RBMS3: variants seen among roughly 807,000 people sequenced by gnomAD.
The protein encoded by RBMS3 is RNA binding motif single stranded interacting protein 3, also known as RNA-binding motif, single-stranded-interacting protein 3.
A neutral mutation model predicts 66.8 loss-of-function variants in RBMS3; 27 were observed. The observed-to-expected ratio is 0.40, with a 90% CI of 0.30 to 0.56. The LOEUF (loss-of-function observed/expected upper bound fraction) is 0.56, where lower values mean the gene tolerates loss of function less well. Among genes scored for constraint, RBMS3 ranks in the 20% least tolerant of loss-of-function variants. The pLI, the probability that RBMS3 is intolerant of heterozygous loss-of-function variation, is 0.40. For missense variants in RBMS3, 513 were observed against 549.5 expected (o/e 0.93, Z 0.66); for synonymous variants, 188 against 183.0 (o/e 1.03, Z -0.22).
chr3:29,574,075 A>G (rs540073697), intron 3 of RBMS3, among the ~76,000 whole-genome samples: 3 of 152,300 alleles, frequency 2.0e-5, no homozygotes, highest in African/African-American at 7.2e-5. Context: ...TATTAGGTCC[A>G]TATTTTCTAT....
At chr3:29,659,438 G>T (rs2050450118) in intron 4 of RBMS3, among the ~76,000 whole-genome samples, 1 of 152,002 alleles carries the variant, frequency 6.6e-6, no homozygotes, top group Non-Finnish European at 1.5e-5. Flanking sequence ...CTGTCTCTGT[G>T]ATTTTGACTA....
At chr3:29,377,088 T>A (rs2038513605) in intron 1 of RBMS3, among the ~76,000 whole-genome samples, 1 of 148,288 alleles carries the variant, frequency 6.7e-6, no homozygotes, top group African/African-American at 2.5e-5. Context: ...AAACTCTGTC[T>A]CAGAAAAAAA....
chr3:29,503,046 A>G (rs981161634), intron 3 of RBMS3, among the ~76,000 whole-genome samples: 11 of 152,102 alleles, frequency 7.2e-5, no homozygotes, highest in African/African-American at 2.7e-4. Flanking sequence ...TTTTCTTCAA[A>G]TAGCTTGCGT....
intron 6 of RBMS3, among the ~76,000 whole-genome samples, chr3:29,800,131 A>G (rs6784829): frequency 0.57 from 86,728 of 151,962 alleles, 25,417 homozygotes; most frequent in African/African-American, 0.65. Flanking sequence ...CTGGTCTGAT[A>G]CAGTGCAGGG....
At chr3:29,730,309 G>T (rs565435286) in intron 4 of RBMS3, among the ~76,000 whole-genome samples, 1 of 120,556 alleles carries the variant, frequency 8.3e-6, no homozygotes, top group Non-Finnish European at 1.7e-5. Flanking sequence ...TGTTCTGGGC[G>T]GGGGGCGGGG....
chr3:29,973,436 G>T (rs1256407368), intron 12 of RBMS3, among the ~76,000 whole-genome samples: 1 of 151,970 alleles, frequency 6.6e-6, no homozygotes, highest in African/African-American at 2.4e-5. Flanking sequence ...TTAACAAGGA[G>T]AAATGAGTTC....
chr3:29,385,903 T>C (rs1462082684), intron 1 of RBMS3, among the ~76,000 whole-genome samples: 2 of 152,198 alleles, frequency 1.3e-5, no homozygotes, highest in African/African-American at 4.8e-5. Context: ...TCTTTAAATC[T>C]CATTATGAAC....
At chr3:29,904,574 T>C (rs1430939049) in intron 10 of RBMS3, among the ~76,000 whole-genome samples, 10 of 152,000 alleles carry the variant, frequency 6.6e-5, no homozygotes. Context: ...CTCAAGACAG[T>C]AATATTACAC....
At chr3:29,670,342 G>A (rs549910883) in intron 4 of RBMS3, among the ~76,000 whole-genome samples, 5 of 152,124 alleles carry the variant, frequency 3.3e-5, no homozygotes, top group Non-Finnish European at 7.4e-5. Flanking sequence ...CATGAGCGAC[G>A]CAGAAGACGG....
intron 1 of RBMS3, among the ~76,000 whole-genome samples, chr3:29,336,979 A>G (rs2035993197): frequency 6.6e-6 from 1 of 152,182 alleles, no homozygotes; most frequent in Admixed American, 6.5e-5. Flanking sequence ...GTTTTAGCAA[A>G]TCTGAAACGG....
At chr3:29,979,731 C>T (rs1284923251) in intron 12 of RBMS3, among the ~76,000 whole-genome samples, 1 of 152,136 alleles carries the variant, frequency 6.6e-6, no homozygotes, top group Non-Finnish European at 1.5e-5. Flanking sequence ...ATGATGGTTT[C>T]CAGCTTTATC....
intron 1 of RBMS3, among the ~76,000 whole-genome samples, chr3:29,304,521 A>G (rs1341134441): frequency 6.6e-6 from 1 of 151,936 alleles, no homozygotes; most frequent in African/African-American, 2.4e-5. Flanking sequence ...ATATTGACTG[A>G]CGTAAGGAAG....
chr3:29,514,650 C>CATATATATATATATAT (rs10601940), intron 3 of RBMS3, among the ~76,000 whole-genome samples: 1,261 of 103,382 alleles, frequency 0.012, 31 homozygotes, highest in African/African-American at 0.034. Flanking sequence ...GTGATAGGCA[C>CATATATATATATATAT]ATATATATAT....
rs779188636 is a variant in RBMS3 at position 29,281,664 on chromosome 3, G to A, written c.-18G>A. On this transcript the variant is annotated 5_prime_UTR_variant, in exon 1 of 15. Transcript: ENST00000383767. ...CTGTCATCCAGTTCCCTGCCTCGGA[G>A]ATAAAGATTCCAGCTACATGGGCAA... 4 of 1,609,590 alleles carry A rather than the reference G, an allele frequency of 2.5e-6. No homozygotes were observed. The highest frequency in any genetic ancestry group is 3.4e-6 in the Non-Finnish European group (4 of 1,176,110).
intron 1 of RBMS3, among the ~76,000 whole-genome samples, chr3:29,385,760 A>G (rs9862050): frequency 6.6e-6 from 1 of 151,892 alleles, no homozygotes. Flanking sequence ...ACACATGCAA[A>G]GGACATATCC....
chr3:29,514,005 G>A (rs143379914), intron 3 of RBMS3, among the ~76,000 whole-genome samples: 1 of 152,076 alleles, frequency 6.6e-6, no homozygotes, highest in Admixed American at 6.6e-5. Context: ...CTCTACCCAG[G>A]CTGGAGAATC....
rs186197344 is a variant in RBMS3 at position 29,422,814 on chromosome 3, T to C, written c.76-11929T>C. Among the ~76,000 whole-genome samples the C allele has an allele frequency of 1.4e-4, 21 of 152,338 alleles. 1 individual carries two copies. In the East Asian group the frequency reaches 4.0e-3, roughly 29 times the overall value. On this transcript the variant is annotated intron_variant, in intron 1 of 14. Transcript: ENST00000383767. ...CAATTACTTTGCATGTATTAATTCC[T>C]GTCACATTTTTGATCTGTGCTCTAA...
chr3:29,621,927 G>A (rs2048880720), intron 4 of RBMS3, among the ~76,000 whole-genome samples: 2 of 152,138 alleles, frequency 1.3e-5, no homozygotes, highest in African/African-American at 4.8e-5. Context: ...TGCTGTAGGA[G>A]AATCTACATA....
At chr3:29,662,371 AAT>A (rs2050586364) in intron 4 of RBMS3, among the ~76,000 whole-genome samples, 1 of 152,218 alleles carries the variant, frequency 6.6e-6, no homozygotes, top group South Asian at 2.1e-4. Context: ...ATTAACTGAC[AAT>A]AAATAAATGT....
Sources: gnomAD v4.1 joint callset for allele counts (sites outside exome capture counted in the v4.1 genomes callset) on GRCh38, gnomAD v4.1.1 for gene constraint, MANE v1.5 for transcripts, NCBI Gene and HGNC (gene_info 2026-07-23, HGNC 2026-07-21) for gene names.